Variants in SLC12A2 observed in about 807,000 individuals in gnomAD.
SLC12A2 encodes the protein Na-K-2Cl cotransporter 1.
In SLC12A2, 67 loss-of-function variants were observed where a neutral mutation model predicts 136.3. That is an observed-to-expected ratio of 0.49 (90% CI 0.40 to 0.60). SLC12A2 has a LOEUF of 0.60. Among genes scored for constraint, SLC12A2 ranks in the 20% least tolerant of loss-of-function variants. The pLI, the probability that SLC12A2 is intolerant of heterozygous loss-of-function variation, is 0.00. For synonymous variants in SLC12A2, 619 were observed against 562.9 expected (o/e 1.10, Z -1.41); for missense variants, 1,322 against 1,534.7 (o/e 0.86, Z 2.32).
At chr5:128,174,336 G>T (rs1581136546) in intron 19 of SLC12A2, among the ~76,000 whole-genome samples, 1 of 152,170 alleles carries the variant, frequency 6.6e-6, no homozygotes, top group Non-Finnish European at 1.5e-5. Flanking sequence ...CAGACTTTCA[G>T]ATCAGGATAT....
At chr5:128,088,560 G>GT (rs779127806) in intron 1 of SLC12A2, among the ~76,000 whole-genome samples, 21 of 148,184 alleles carry the variant, frequency 1.4e-4, no homozygotes, top group Non-Finnish European at 2.6e-4. Flanking sequence ...TTGTTTGTTT[G>GT]TTTTTTGTGT....
chr5:128,107,506 T>C (rs1177615534), intron 1 of SLC12A2, among the ~76,000 whole-genome samples: 1 of 152,176 alleles, frequency 6.6e-6, no homozygotes, highest in Non-Finnish European at 1.5e-5. Flanking sequence ...TGTGTTCTCA[T>C]TGTTCAGCTC....
At position 128,147,606 on chromosome 5, in the gene SLC12A2, G is replaced by T. The variant is rs201258184; in HGVS notation, c.1774-16G>T. ...TTGTGAGATTTATTTTTCCATTTTT[G>T]TCACTTTTATTTAAGGTAATGAGTA... On this transcript the variant is annotated splice_polypyrimidine_tract_variant and intron_variant, in intron 10 of 26. Coordinates refer to ENST00000262461, the MANE Select transcript of SLC12A2 (RefSeq NM_001046.3). 1 of 1,512,102 alleles carries T rather than the reference G, an allele frequency of 6.6e-7. No homozygotes were observed. Among genetic ancestry groups the T allele is most frequent in the Non-Finnish European group, 9.2e-7 (1 of 1,092,342 alleles). The allele number at this position is 1,512,102 out of a possible 1,614,324, so 93.7% of individuals were successfully genotyped here. A position where few individuals can be genotyped will look rare whatever the true frequency, so the allele number is the denominator to read the frequency against.
At chr5:128,130,770 G>A (rs572296578) in intron 4 of SLC12A2, among the ~76,000 whole-genome samples, 6 of 152,274 alleles carry the variant, frequency 3.9e-5, no homozygotes, top group African/African-American at 1.4e-4. Flanking sequence ...GATCTGTGAA[G>A]GGGAGGAGGC....
chr5:128,107,652 A>C (rs1470679115), intron 1 of SLC12A2, among the ~76,000 whole-genome samples: 5 of 152,198 alleles, frequency 3.3e-5, no homozygotes, highest in Non-Finnish European at 7.3e-5. Flanking sequence ...ATAGTATTCT[A>C]TGTGTATATG....
In SLC12A2 at chr5:128,186,851, CT is replaced by C. The variant is rs1763885977; in HGVS notation, c.*221del. The C allele has an allele frequency of 2.5e-6, 1 of 401,704 alleles. No individual in the cohort carries two copies. The highest frequency in any genetic ancestry group is 7.9e-5 in the South Asian group (1 of 12,698). 24.9% of individuals were successfully genotyped at this position (401,704 alleles called of 1,614,324 possible). On this transcript the variant is annotated 3_prime_UTR_variant, in exon 27 of 27. Transcript: ENST00000262461. ...TCTCAATCTTAATGGTGATTCTTCT[CT>C]GTTGAACTGAAGTTTGTGAGAGTAG...
intron 22 of SLC12A2, among the ~76,000 whole-genome samples, chr5:128,180,240 G>T (rs1763666858): frequency 6.6e-6 from 1 of 151,926 alleles, no homozygotes; most frequent in African/African-American, 2.4e-5. Context: ...AAAGTGCTGG[G>T]ATTACAGGTG....
Position 128,188,096 on chromosome 5 carries a change from G to C in SLC12A2, c.*1465G>C, listed in dbSNP as rs954674762. 1 of 113,460 alleles carries C rather than the reference G, an allele frequency of 8.8e-6. No homozygotes were observed. The highest frequency in any genetic ancestry group is 2.1e-5 in the Non-Finnish European group (1 of 46,660). The allele number at this position is 113,460 out of a possible 1,614,324, so 7.0% of individuals were successfully genotyped here. A position where few individuals can be genotyped will look rare whatever the true frequency, so the allele number is the denominator to read the frequency against. ...ATTCATTAGGCAAACTTTGGTTTAAGTAAACATATGTTCAAAATCAGATTA... is the reference window on the plus strand; with the variant it reads ...ATTCATTAGGCAAACTTTGGTTTAACTAAACATATGTTCAAAATCAGATTA... On this transcript the variant is annotated 3_prime_UTR_variant, in exon 27 of 27. Coordinates refer to ENST00000262461, the MANE Select transcript of SLC12A2 (RefSeq NM_001046.3).
chr5:128,152,921 AATT>A (rs757384245), intron 15 of SLC12A2, 116 bp downstream of exon 15: 19 of 655,912 alleles, frequency 2.9e-5, no homozygotes, highest in Middle Eastern at 2.6e-4. Flanking sequence ...TGGGCAGTTT[AATT>A]ATTCAAGAAC....
At position 128,173,525 on chromosome 5, in the gene SLC12A2, T is replaced by G. The variant is rs1327159316; in HGVS notation, c.2804-1016T>G. ...TCATCATTAAGTTTTAAAACAGGAA[T>G]TTGGGAATAGGAATTAAGAGCATAG... On this transcript the variant is annotated intron_variant, in intron 19 of 26. Coordinates refer to ENST00000262461, the MANE Select transcript of SLC12A2 (RefSeq NM_001046.3). Among the ~76,000 whole-genome samples, 5 of 152,310 alleles carry G rather than the reference T, an allele frequency of 3.3e-5. No individual in the cohort carries two copies. The East Asian group carries it at 9.6e-4, about 29-fold the overall frequency.
At position 128,134,400 on chromosome 5, in the gene SLC12A2, A is replaced by G. The variant is rs150545999; in HGVS notation, c.1299+125A>G. ...ATGGTACCTAAGTGGCCATTTTCAC[A>G]AATGTTTATGTATAAGGTTATTTTC... On this transcript the variant is annotated intron_variant, in intron 6 of 26. Transcript: ENST00000262461. 1.4e-3 allele frequency: 842 copies of G among 601,432 alleles called. 5 individuals carry two copies. In the African/African-American group the frequency reaches 0.014, roughly 10 times the overall value. The allele number at this position is 601,432 out of a possible 1,614,324, so 37.3% of individuals were successfully genotyped here. A position where few individuals can be genotyped will look rare whatever the true frequency, so the allele number is the denominator to read the frequency against.
At chr5:128,092,318 A>T (rs1183183863) in intron 1 of SLC12A2, among the ~76,000 whole-genome samples, 2 of 152,078 alleles carry the variant, frequency 1.3e-5, no homozygotes, top group African/African-American at 4.8e-5. Context: ...GATGAGAGGA[A>T]GGGGGTGATT....
chr5:128,158,014 A>G lies in SLC12A2; in HGVS notation c.2364-39A>G, dbSNP rs759749308. 19 of 1,553,456 alleles carry G rather than the reference A, an allele frequency of 1.2e-5. No individual in the cohort carries two copies. In the African/African-American group the frequency reaches 1.4e-4, roughly 11 times the overall value. On this transcript the variant is annotated intron_variant, in intron 15 of 26. Coordinates refer to ENST00000262461, the MANE Select transcript of SLC12A2 (RefSeq NM_001046.3). ...TTAAAATCTTGTTGCCAGAAACACA[A>G]ATTTATCTAATTTTGTTTGTCTTTT...
chr5:128,093,569 A>G (rs1330237348), intron 1 of SLC12A2, among the ~76,000 whole-genome samples: 1 of 152,114 alleles, frequency 6.6e-6, no homozygotes, highest in Non-Finnish European at 1.5e-5. Flanking sequence ...TGGTACCACT[A>G]TTCATCATAC....
chr5:128,092,081 G>C (rs1561651269), intron 1 of SLC12A2, among the ~76,000 whole-genome samples: 1 of 152,066 alleles, frequency 6.6e-6, no homozygotes, highest in African/African-American at 2.4e-5. Flanking sequence ...AAGACTTAGA[G>C]GACCCTAATC....
intron 18 of SLC12A2, 86 bp downstream of exon 18, chr5:128,167,953 C>G (rs1763253250): frequency 1.5e-6 from 1 of 685,624 alleles, no homozygotes; most frequent in African/African-American, 1.9e-5. Context: ...GACTGTTTCT[C>G]ATATAGTCTC....
Position 128,189,272 on chromosome 5 carries a change from T to G in SLC12A2, c.*2641T>G, listed in dbSNP as rs1739106748. The G allele has an allele frequency of 6.6e-6, 1 of 152,172 alleles. No individual in the cohort carries two copies. The highest frequency in any genetic ancestry group is 1.5e-5 in the Non-Finnish European group (1 of 68,024). The allele number at this position is 152,172 out of a possible 1,614,324, so 9.4% of individuals were successfully genotyped here. A position where few individuals can be genotyped will look rare whatever the true frequency, so the allele number is the denominator to read the frequency against. ...CCAAATTTTTTTTAGTTCTAATCAT[T>G]GATGATAGCTTGGAAATAAATAATT... is the stretch of plus-strand genomic sequence containing the variant. On this transcript the variant is annotated 3_prime_UTR_variant, in exon 27 of 27. Transcript: ENST00000262461.
At chr5:128,086,590 T>C (rs1008568378) in intron 1 of SLC12A2, among the ~76,000 whole-genome samples, 1 of 152,218 alleles carries the variant, frequency 6.6e-6, no homozygotes, top group Admixed American at 6.5e-5. Flanking sequence ...TATATAAATA[T>C]TATGTTCAGT....
chr5:128,097,065 T>C (rs115388509), intron 1 of SLC12A2, among the ~76,000 whole-genome samples: 2,812 of 152,136 alleles, frequency 0.018, 49 homozygotes, highest in Non-Finnish European at 0.027. Context: ...TTTTGGAAAA[T>C]TTCAGTCTCA....
Sources: allele counts gnomAD v4.1 joint callset (sites outside exome capture counted in the v4.1 genomes callset), GRCh38; gene constraint gnomAD v4.1.1; transcripts MANE v1.5; gene names NCBI Gene and HGNC (gene_info 2026-07-23, HGNC 2026-07-21).